The following COL24A1 variants were observed in gnomAD, a reference collection of about 807,000 sequenced individuals.
The protein encoded by COL24A1 is collagen type XXIV alpha 1 chain, also known as collagen alpha-1(XXIV) chain.
COL24A1 carries 224 observed loss-of-function variants against 253.9 expected under a neutral mutation model. The ratio of observed to expected loss-of-function variants is 0.88; its 90% CI spans 0.79 to 0.99. The LOEUF (loss-of-function observed/expected upper bound fraction) is 0.99, where lower values mean the gene tolerates loss of function less well. COL24A1 is among the 50% of genes least tolerant of loss of function. The pLI, the probability that COL24A1 is intolerant of heterozygous loss-of-function variation, is 0.00. For synonymous variants in COL24A1, 685 were observed against 673.7 expected (o/e 1.02, Z -0.26); for missense variants, 2,131 against 2,068.5 (o/e 1.03, Z -0.59).
intron 32 of COL24A1, among the ~76,000 whole-genome samples, chr1:85,880,313 C>T (rs1454701788): frequency 6.6e-6 from 1 of 152,020 alleles, no homozygotes; most frequent in Non-Finnish European, 1.5e-5. Flanking sequence ...ATTCCAATTG[C>T]TCATTGCTGT....
At chr1:85,893,017 T>A (rs1307307020) in intron 31 of COL24A1, among the ~76,000 whole-genome samples, 1 of 152,104 alleles carries the variant, frequency 6.6e-6, no homozygotes, top group African/African-American at 2.4e-5. Context: ...TACGTATCAA[T>A]AATTACATTA....
At chr1:85,766,358 G>C (rs1032911495) in intron 53 of COL24A1, among the ~76,000 whole-genome samples, 2 of 56,284 alleles carry the variant, frequency 3.6e-5, no homozygotes, top group South Asian at 6.4e-4. Context: ...AACAGAACAA[G>C]ACTCTGTCTC....
At chr1:85,880,060 C>G (rs1681647522) in intron 32 of COL24A1, among the ~76,000 whole-genome samples, 1 of 152,152 alleles carries the variant, frequency 6.6e-6, no homozygotes, top group Admixed American at 6.5e-5. Flanking sequence ...TACAATGTAA[C>G]TTGCTTGGAT....
chr1:85,758,673 TAGA>T (rs1186383944), intron 55 of COL24A1, among the ~76,000 whole-genome samples: 4 of 152,148 alleles, frequency 2.6e-5, no homozygotes, highest in Non-Finnish European at 2.9e-5. Context: ...TGGACTGGAT[TAGA>T]AGTTTTCATA....
chr1:85,955,307 C>T (rs546254970), intron 24 of COL24A1, among the ~76,000 whole-genome samples: 4 of 152,322 alleles, frequency 2.6e-5, no homozygotes, highest in Non-Finnish European at 5.9e-5. Context: ...AGAACAACCT[C>T]CATCACTCAG....
intron 53 of COL24A1, among the ~76,000 whole-genome samples, chr1:85,772,323 A>C (rs1668069432): frequency 6.6e-6 from 1 of 151,320 alleles, no homozygotes; most frequent in Non-Finnish European, 1.5e-5. Context: ...GCTGGAGAGG[A>C]TGTGGAGAAA....
intron 5 of COL24A1, among the ~76,000 whole-genome samples, chr1:86,101,375 A>C (rs1005641916): frequency 6.6e-6 from 1 of 152,022 alleles, no homozygotes; most frequent in Non-Finnish European, 1.5e-5. Flanking sequence ...GGTGCCCTTT[A>C]TTTCTTTCTC....
Position 86,156,742 on chromosome 1 carries a change from T to G in COL24A1, c.-346A>C, listed in dbSNP as rs759812641. ...TGCTAGTGCAGCACTCAAGTTCACT[T>G]GCGGTTCAAAGGCGACTCTGTGACT... On this transcript the variant is annotated 5_prime_UTR_variant, in exon 1 of 60. Transcript: ENST00000370571. 5.2e-6 allele frequency: 1 copy of G among 194,030 alleles called. No homozygotes were observed. Among genetic ancestry groups the G allele is most frequent in the Non-Finnish European group, 1.0e-5 (1 of 96,756 alleles). 12.0% of individuals were successfully genotyped at this position (194,030 alleles called of 1,614,324 possible).
intron 24 of COL24A1, among the ~76,000 whole-genome samples, chr1:85,915,449 G>A (rs1047021891): frequency 1.3e-5 from 2 of 151,688 alleles, no homozygotes; most frequent in Non-Finnish European, 2.9e-5. Context: ...TTTTTTTTTA[G>A]CCCCCCACAA....
At chr1:85,860,756 T>C (rs545037040) in intron 37 of COL24A1, among the ~76,000 whole-genome samples, 47 of 152,198 alleles carry the variant, frequency 3.1e-4, no homozygotes, top group African/African-American at 1.1e-3. Flanking sequence ...CAAAAAGAAA[T>C]AAACAAAAAA....
At chr1:85,869,445 G>A (rs1255119928) in intron 35 of COL24A1, among the ~76,000 whole-genome samples, 1 of 152,164 alleles carries the variant, frequency 6.6e-6, no homozygotes, top group Non-Finnish European at 1.5e-5. Flanking sequence ...GGCAGCCAGA[G>A]AGAAAGGTCG....
At chr1:85,780,144 G>A (rs937897834) in intron 52 of COL24A1, among the ~76,000 whole-genome samples, 4 of 152,092 alleles carry the variant, frequency 2.6e-5, no homozygotes, top group Non-Finnish European at 4.4e-5. Flanking sequence ...AGTGGCAAAT[G>A]TTGAAAGTCT....
intron 24 of COL24A1, among the ~76,000 whole-genome samples, chr1:85,921,030 A>G (rs527997785): frequency 6.6e-6 from 1 of 152,302 alleles, no homozygotes; most frequent in African/African-American, 2.4e-5. Flanking sequence ...TGCAGCTCTC[A>G]GCATGATCTG....
At chr1:85,912,521 C>T (rs1033131199) in intron 24 of COL24A1, among the ~76,000 whole-genome samples, 13 of 152,108 alleles carry the variant, frequency 8.5e-5, no homozygotes, top group African/African-American at 3.1e-4. Context: ...ATACAGAAAG[C>T]ACTGACTCAT....
chr1:85,882,992 C>T (rs991004647), intron 32 of COL24A1, among the ~76,000 whole-genome samples: 6 of 152,090 alleles, frequency 3.9e-5, no homozygotes, highest in Non-Finnish European at 7.3e-5. Context: ...AGACAACATA[C>T]AATTGGGTTT....
intron 24 of COL24A1, among the ~76,000 whole-genome samples, chr1:85,949,964 C>T (rs1571338946): frequency 6.6e-6 from 1 of 152,118 alleles, no homozygotes. Flanking sequence ...TATTGGTTCT[C>T]TCATGATTCT....
At chr1:85,860,542 T>C (rs1217224164) in intron 37 of COL24A1, among the ~76,000 whole-genome samples, 1 of 152,078 alleles carries the variant, frequency 6.6e-6, no homozygotes, top group African/African-American at 2.4e-5. Flanking sequence ...GAGATTGAGA[T>C]CAACCTGGCT....
At chr1:86,128,743 T>C (rs1243235475) in intron 2 of COL24A1, among the ~76,000 whole-genome samples, 2 of 152,004 alleles carry the variant, frequency 1.3e-5, no homozygotes, top group African/African-American at 2.4e-5. Flanking sequence ...ATAGCTGTTT[T>C]TTAAAAATCA....
rs866439176 is a variant in COL24A1, at chr1:85,828,461, G to C, written c.3682-4723C>G. ...GGTCTGCTTGGTGCAGAGCTGAGTT[G>C]AATTCCTGGGTATCCTTGTTGACTT... is the stretch of plus-strand genomic sequence containing the variant. On this transcript the variant is annotated intron_variant, in intron 43 of 59. Coordinates refer to ENST00000370571, the MANE Select transcript of COL24A1 (RefSeq NM_152890.7). Among the ~76,000 whole-genome samples, 548 of 150,682 alleles carry C rather than the reference G, an allele frequency of 3.6e-3. 3 individuals are homozygous for C. The highest frequency in any genetic ancestry group is 7.5e-3 in the African/African-American group (309 of 41,050).
Sources: gnomAD v4.1 joint callset for allele counts (sites outside exome capture counted in the v4.1 genomes callset) on GRCh38, gnomAD v4.1.1 for gene constraint, MANE v1.5 for transcripts, NCBI Gene and HGNC (gene_info 2026-07-23, HGNC 2026-07-21) for gene names.